The following COQ8A variants were observed in gnomAD, a reference collection of about 807,000 sequenced individuals.
The protein encoded by COQ8A is coenzyme Q8A, also known as atypical kinase COQ8A, mitochondrial.
COQ8A carries 51 observed loss-of-function variants against 65.0 expected under a neutral mutation model. The observed-to-expected ratio is 0.78, with a 90% CI of 0.63 to 0.99. The LOEUF (loss-of-function observed/expected upper bound fraction) is 0.99. Ranked by LOEUF, COQ8A falls within the 50% of genes least tolerant of loss-of-function variation. The pLI is 0.00. For synonymous variants in COQ8A, 371 were observed against 353.2 expected (o/e 1.05, Z -0.57); for missense variants, 940 against 875.0 (o/e 1.07, Z -0.94).
At chr1:226,960,413 G>A (rs111063835) in intron 1 of COQ8A, among the ~76,000 whole-genome samples, 448 of 7,274 alleles carry the variant, frequency 0.062, 1 homozygote, top group Non-Finnish European at 0.092. Context: ...TGGTGGTGGC[G>A]GTGGTACTTG....
intron 2 of COQ8A, 116 bp downstream of exon 2, chr1:226,961,678 G>C (rs1272308314): frequency 2.3e-6 from 3 of 1,289,338 alleles, no homozygotes; most frequent in Non-Finnish European, 3.2e-6. Context: ...AGGGCCTGAG[G>C]GCCCACCAGC....
At position 226,940,336 on chromosome 1, in the gene COQ8A, G is replaced by C. The variant is rs1013310690; in HGVS notation, c.-73G>C. ...GTGGCGGGCGTCAGCGCGGTGGCCA[G>C]CGCGCAGAGGCGGGCGCGGAGGCGG... On this transcript the variant is annotated 5_prime_UTR_variant, in exon 1 of 15. Transcript: ENST00000366777. 1.3e-5 allele frequency: 2 copies of C among 152,280 alleles called. No homozygotes were observed. The highest frequency in any genetic ancestry group is 2.9e-5 in the Non-Finnish European group (2 of 68,166). The allele number at this position is 152,280 out of a possible 1,614,324, so 9.4% of individuals were successfully genotyped here.
At chr1:226,957,907 G>A (rs187762110) in intron 1 of COQ8A, among the ~76,000 whole-genome samples, 2 of 152,240 alleles carry the variant, frequency 1.3e-5, no homozygotes, top group East Asian at 3.9e-4. Context: ...GTCCCTGAAA[G>A]GTCAGAGAGT....
At chr1:226,982,539 G>GCTC (rs1659763135) in intron 6 of COQ8A, 139 bp from the exon 7 acceptor site, 1 of 934,286 alleles carries the variant, frequency 1.1e-6, no homozygotes. Flanking sequence ...GTGTGCGAGG[G>GCTC]CTCCTGTCTT....
intron 1 of COQ8A, among the ~76,000 whole-genome samples, chr1:226,950,301 C>T (rs756410497): frequency 6.6e-6 from 1 of 152,228 alleles, no homozygotes; most frequent in Non-Finnish European, 1.5e-5. Flanking sequence ...CAACCCAGTG[C>T]TCACCACAGG....
chr1:226,978,430 CCTCT>C (rs1196503015), intron 5 of COQ8A, among the ~76,000 whole-genome samples: 1 of 149,416 alleles, frequency 6.7e-6, no homozygotes, highest in Non-Finnish European at 1.5e-5. Flanking sequence ...CACACACCCA[CCTCT>C]CACCCACACA....
intron 1 of COQ8A, among the ~76,000 whole-genome samples, chr1:226,941,182 A>T (rs1490541110): frequency 1.3e-5 from 2 of 152,176 alleles, no homozygotes; most frequent in East Asian, 3.9e-4. Context: ...AGGTTCCTGA[A>T]GGGTGAGAGG....
chr1:226,984,534 C>A lies in COQ8A; in HGVS notation c.1399-14C>A, dbSNP rs148742677. ...GTGGTGCTGCCTGACACAGACCCTT[C>A]GCGCTGTCCACAGATCTGCTACAAC... On this transcript the variant is annotated splice_polypyrimidine_tract_variant and intron_variant, in intron 11 of 14. Transcript: ENST00000366777. 2 of 1,602,708 alleles carry A rather than the reference C, an allele frequency of 1.2e-6. No homozygotes were observed. Among genetic ancestry groups the A allele is most frequent in the Non-Finnish European group, 1.7e-6 (2 of 1,169,328 alleles).
At chr1:226,954,186 C>T (rs1275332156) in intron 1 of COQ8A, among the ~76,000 whole-genome samples, 4 of 152,214 alleles carry the variant, frequency 2.6e-5, no homozygotes, top group Admixed American at 6.5e-5. Context: ...CTGTGGGTCA[C>T]GGTCTCTAAG....
rs1656613817 is a variant in COQ8A at position 226,940,377 on chromosome 1, G to A, written c.-32G>A. The A allele has an allele frequency of 6.6e-6, 1 of 152,322 alleles. No homozygotes were observed. 9.4% of individuals were successfully genotyped at this position (152,322 alleles called of 1,614,324 possible). On this transcript the variant is annotated 5_prime_UTR_variant, in exon 1 of 15. Coordinates refer to ENST00000366777, the MANE Select transcript of COQ8A (RefSeq NM_020247.5). ...GCGGAGGCGGCTAGAAGGTGACCGC[G>A]GATCCCAGCTTCCTGCAGCCAGGTA...
intron 4 of COQ8A, among the ~76,000 whole-genome samples, chr1:226,968,143 C>T (rs1039213717): frequency 1.3e-4 from 20 of 152,034 alleles, no homozygotes; most frequent in African/African-American, 3.4e-4. Flanking sequence ...ACCAGCCTGG[C>T]CAACATGGTG....
rs1659783251 is a variant in COQ8A, at chr1:226,982,778, G to T, written c.939+15G>T. ...AGCAGATGATGGTGAGGAGCCAGGG[G>T]CTCTGCCCACTCTCTGTGGCCTCGG... is the stretch of plus-strand genomic sequence containing the variant. On this transcript the variant is annotated intron_variant, in intron 7 of 14. Coordinates refer to ENST00000366777, the MANE Select transcript of COQ8A (RefSeq NM_020247.5). 1 of 1,613,442 alleles carries T rather than the reference G, an allele frequency of 6.2e-7. No individual in the cohort carries two copies. Among genetic ancestry groups the T allele is most frequent in the African/African-American group, 1.3e-5 (1 of 75,076 alleles).
At chr1:226,982,278 A>T in intron 6 of COQ8A, 129 bp downstream of exon 6, 1 of 1,343,202 alleles carries the variant, frequency 7.4e-7, no homozygotes, top group Non-Finnish European at 1.0e-6. Context: ...GAGAGATCTT[A>T]GAAGATAATA....
intron 5 of COQ8A, among the ~76,000 whole-genome samples, chr1:226,978,812 C>G (rs1659496869): frequency 8.1e-6 from 1 of 122,898 alleles, no homozygotes; most frequent in African/African-American, 2.7e-5. Context: ...GCTCCTTACA[C>G]ACCCTCCATG....
rs765686020 is a variant in COQ8A at position 226,978,944 on chromosome 1, A to ACACACCTTACCCTCCACACACCCG, written c.730+1429_730+1452dup. ...CCCTCCACACACCCACCACACACCC[A>ACACACCTTACCCTCCACACACCCG]CACACCTTACCCTCCACACACCCGC... On this transcript the variant is annotated intron_variant, in intron 5 of 14. Transcript: ENST00000366777. 2.2e-4 allele frequency among the ~76,000 whole-genome samples: 31 copies of ACACACCTTACCCTCCACACACCCG among 142,830 alleles called. 1 individual carries two copies. Among genetic ancestry groups the ACACACCTTACCCTCCACACACCCG allele is most frequent in the African/African-American group, 7.4e-4 (28 of 38,084 alleles). 93.7% of individuals were successfully genotyped at this position (142,830 alleles called of 152,430 possible).
chr1:226,983,256 G>T, intron 8 of COQ8A: 1 of 752,336 alleles, frequency 1.3e-6, no homozygotes, highest in Non-Finnish European at 2.1e-6. Flanking sequence ...CCCCCAGCAA[G>T]CTTGATTTGG....
At chr1:226,980,440 G>A (rs1014819892) in intron 5 of COQ8A, among the ~76,000 whole-genome samples, 2 of 152,206 alleles carry the variant, frequency 1.3e-5, no homozygotes, top group African/African-American at 4.8e-5. Context: ...CTCTGGCCTG[G>A]GGCAGTGGCC....
At chr1:226,984,686 A>T in intron 12 of COQ8A, 31 bp downstream of exon 12, 1 of 1,594,382 alleles carries the variant, frequency 6.3e-7, no homozygotes, top group South Asian at 1.1e-5. Flanking sequence ...ACCCGCAGCC[A>T]GGCCTGAGAG....
chr1:226,945,356 G>A (rs1214046650), intron 1 of COQ8A, among the ~76,000 whole-genome samples: 1 of 152,198 alleles, frequency 6.6e-6, no homozygotes, highest in South Asian at 2.1e-4. Flanking sequence ...GCTGTTCACG[G>A]GGCTGGATGA....
Sources: gnomAD v4.1 joint callset for allele counts (sites outside exome capture counted in the v4.1 genomes callset) on GRCh38, gnomAD v4.1.1 for gene constraint, MANE v1.5 for transcripts, NCBI Gene and HGNC (gene_info 2026-07-23, HGNC 2026-07-21) for gene names.